Variants in PLCH1 observed in about 807,000 individuals in gnomAD.
PLCH1 encodes phospholipase C eta 1.
A neutral mutation model predicts 126.7 loss-of-function variants in PLCH1; 60 were observed. The observed-to-expected ratio is 0.47, with a 90% CI of 0.38 to 0.59. The LOEUF is 0.59. Among genes scored for constraint, PLCH1 ranks in the 20% least tolerant of loss-of-function variants. PLCH1 has a pLI of 0.00. For missense variants in PLCH1, 1,723 were observed against 2,040.0 expected (o/e 0.84, Z 2.99); for synonymous variants, 719 against 734.9 (o/e 0.98, Z 0.35).
chr3:155,519,781 TAAAAAAAAAAAAA>T (rs66772251), intron 11 of PLCH1, among the ~76,000 whole-genome samples: 1 of 124,606 alleles, frequency 8.0e-6, no homozygotes, highest in African/African-American at 3.0e-5. Context: ...ACCTTTGCTT[TAAAAAAAAAAAAA>T]AAAAAGGCAA....
intron 10 of PLCH1, among the ~76,000 whole-genome samples, chr3:155,534,102 C>T (rs1440166190): frequency 1.3e-5 from 2 of 152,168 alleles, no homozygotes; most frequent in African/African-American, 4.8e-5. Context: ...AAAAGAGGGC[C>T]ACCGTCCTCC....
chr3:155,728,963 C>T (rs879763995), intron 1 of PLCH1, among the ~76,000 whole-genome samples: 3 of 152,166 alleles, frequency 2.0e-5, no homozygotes, highest in Non-Finnish European at 4.4e-5. Context: ...ATTTATTTTA[C>T]AATTCTTATT....
At position 155,554,046 on chromosome 3, in the gene PLCH1, C is replaced by T. The variant is rs763314601; in HGVS notation, c.1190+30G>A. ...GGCAATGCTCCATGCGGGAGGCTAC[C>T]GCTTAGCTCACAGGTGCTGCTTTAC... On this transcript the variant is annotated intron_variant, in intron 9 of 22. Transcript: ENST00000460012. 1.4e-5 allele frequency: 23 copies of T among 1,609,330 alleles called. No homozygotes were observed. In the African/African-American group the frequency reaches 1.6e-4, roughly 11 times the overall value.
At chr3:155,726,178 C>A (rs765860460) in intron 1 of PLCH1, among the ~76,000 whole-genome samples, 11 of 152,060 alleles carry the variant, frequency 7.2e-5, no homozygotes, top group Non-Finnish European at 1.5e-4. Context: ...CTTAAACTTT[C>A]TTTGGTCTTC....
chr3:155,596,054 T>C (rs1732941104), intron 3 of PLCH1, among the ~76,000 whole-genome samples, 178 bp downstream of exon 3: 3 of 152,090 alleles, frequency 2.0e-5, no homozygotes, highest in African/African-American at 7.2e-5. Flanking sequence ...AAGAAAACTT[T>C]TATGGATTTA....
At chr3:155,522,963 CG>C (rs547629056) in intron 11 of PLCH1, among the ~76,000 whole-genome samples, 5 of 42,808 alleles carry the variant, frequency 1.2e-4, no homozygotes, top group Non-Finnish European at 2.8e-4. Flanking sequence ...TCTTTTTTTG[CG>C]GGGGGGGTGG....
chr3:155,514,590 GA>G, intron 12 of PLCH1, 132 bp downstream of exon 12: 1 of 569,004 alleles, frequency 1.8e-6, no homozygotes, highest in Admixed American at 3.8e-5. Flanking sequence ...TGCAATAAGA[GA>G]TTTTCATTTC....
chr3:155,469,654 C>T (rs1190582944), intron 21 of PLCH1, among the ~76,000 whole-genome samples: 3 of 152,130 alleles, frequency 2.0e-5, no homozygotes, highest in Admixed American at 6.5e-5. Flanking sequence ...CAGCAGTAAC[C>T]TCTGCAGACT....
chr3:155,715,070 T>C (rs1438636957), intron 1 of PLCH1, among the ~76,000 whole-genome samples: 1 of 152,220 alleles, frequency 6.6e-6, no homozygotes, highest in Non-Finnish European at 1.5e-5. Context: ...AAGTTATATT[T>C]GTCTAGATAT....
intron 3 of PLCH1, among the ~76,000 whole-genome samples, chr3:155,595,063 G>T (rs969761736): frequency 6.6e-6 from 1 of 152,214 alleles, no homozygotes; most frequent in African/African-American, 2.4e-5. Flanking sequence ...AGGAGAGGCA[G>T]AAACAGATAT....
intron 2 of PLCH1, among the ~76,000 whole-genome samples, chr3:155,627,613 G>C (rs1403393305): frequency 6.8e-6 from 1 of 146,398 alleles, no homozygotes; most frequent in African/African-American, 2.5e-5. Context: ...CAGATTGGAC[G>C]ACAGAGCAAG....
rs541345779 is a variant in PLCH1 at position 155,559,363 on chromosome 3, G to C, written c.1070-5167C>G. On this transcript the variant is annotated intron_variant, in intron 8 of 22. Coordinates refer to ENST00000460012, the MANE Select transcript of PLCH1 (RefSeq NM_014996.4). Reference sequence around the variant, plus strand: ...ACTAAAGTTGCTAAAATCATAGTAGGTCCTCTTTTCCTTCCTACAATACAT... The same window carrying C: ...ACTAAAGTTGCTAAAATCATAGTAGCTCCTCTTTTCCTTCCTACAATACAT... Among the ~76,000 whole-genome samples the C allele has an allele frequency of 5.9e-5, 9 of 151,898 alleles. No individual in the cohort carries two copies. The South Asian group carries it at 1.9e-3, about 32-fold the overall frequency.
rs1461632181 is a variant in PLCH1, at chr3:155,492,970, A to T, written c.2183-117T>A. ...AACAAATGCTGAATTACATGATCAC[A>T]TAACTATCAGTGTGGCATAGCTGTG... is the stretch of plus-strand genomic sequence containing the variant. On this transcript the variant is annotated intron_variant, in intron 17 of 22. Transcript: ENST00000460012. The T allele has an allele frequency of 3.4e-6, 3 of 892,444 alleles. No homozygotes were observed. In the African/African-American group the frequency reaches 5.2e-5, roughly 15 times the overall value. 55.3% of individuals were successfully genotyped at this position (892,444 alleles called of 1,614,324 possible).
intron 2 of PLCH1, among the ~76,000 whole-genome samples, chr3:155,638,411 T>G (rs553499712): frequency 2.0e-5 from 3 of 152,340 alleles, no homozygotes; most frequent in Admixed American, 6.5e-5. Flanking sequence ...GAGCTAAATT[T>G]AAGCCTGCTA....
chr3:155,686,760 T>C (rs1744982222), intron 2 of PLCH1, among the ~76,000 whole-genome samples: 2 of 152,320 alleles, frequency 1.3e-5, no homozygotes, highest in South Asian at 4.1e-4. Context: ...AGAGCTCTCA[T>C]TCTAGAAGGG....
chr3:155,682,095 T>C (rs1431681943), intron 2 of PLCH1, among the ~76,000 whole-genome samples: 2 of 152,236 alleles, frequency 1.3e-5, no homozygotes, highest in African/African-American at 4.8e-5. Flanking sequence ...AACTGAAGGG[T>C]TAGACTTTAG....
intron 12 of PLCH1, among the ~76,000 whole-genome samples, chr3:155,510,391 T>C (rs1719276955): frequency 8.2e-5 from 1 of 12,166 alleles, no homozygotes; most frequent in African/African-American, 6.6e-4. Context: ...AATTTGATCC[T>C]GTCATTATGA....
intron 21 of PLCH1, among the ~76,000 whole-genome samples, chr3:155,455,600 TG>T (rs1250174499): frequency 6.6e-6 from 1 of 152,196 alleles, no homozygotes; most frequent in African/African-American, 2.4e-5. Flanking sequence ...ATATTGGTTC[TG>T]GGAACAGAAT....
chr3:155,490,498 G>C (rs1323530836), intron 19 of PLCH1, among the ~76,000 whole-genome samples: 1 of 151,952 alleles, frequency 6.6e-6, no homozygotes, highest in East Asian at 1.9e-4. Context: ...TTTCCTCAGT[G>C]AATTTTTAAC....
Sources: gnomAD v4.1 joint callset for allele counts (sites outside exome capture counted in the v4.1 genomes callset) on GRCh38, gnomAD v4.1.1 for gene constraint, MANE v1.5 for transcripts, NCBI Gene and HGNC (gene_info 2026-07-23, HGNC 2026-07-21) for gene names.